MSRA: variants seen among roughly 807,000 people sequenced by gnomAD.
The protein encoded by MSRA is methionine sulfoxide reductase A.
Under a neutral mutation model 31.3 loss-of-function variants are expected in MSRA, and 54 were observed. The observed-to-expected ratio is 1.73, with a 90% CI of 1.39 to 2.17. MSRA has a LOEUF of 2.17. MSRA is among the 30% of genes most tolerant of loss of function. The pLI is 0.00. For missense variants in MSRA, 507 were observed against 300.9 expected (o/e 1.69, Z -5.07); for synonymous variants, 169 against 116.5 (o/e 1.45, Z -2.90).
chr8:10,087,798 T>C (rs1798645946), intron 1 of MSRA, among the ~76,000 whole-genome samples: 1 of 152,236 alleles, frequency 6.6e-6, no homozygotes, highest in South Asian at 2.1e-4. Context: ...TAAAGGATTT[T>C]AAACTTTTTC....
At chr8:10,132,848 G>T (rs2046400) in intron 1 of MSRA, among the ~76,000 whole-genome samples, 1 of 152,192 alleles carries the variant, frequency 6.6e-6, no homozygotes, top group Non-Finnish European at 1.5e-5. Flanking sequence ...GTACACAAAG[G>T]TATGTCTTTT....
intron 1 of MSRA, among the ~76,000 whole-genome samples, chr8:10,145,060 A>G (rs1370159437): frequency 6.6e-6 from 1 of 152,164 alleles, no homozygotes; most frequent in Non-Finnish European, 1.5e-5. Context: ...GTCAAGGATG[A>G]AATTATAGGT....
rs536967242 is a variant in MSRA, at chr8:10,207,686, A to G, written c.143-147A>G. 1.1e-4 allele frequency: 68 copies of G among 639,930 alleles called. No individual in the cohort carries two copies. In the African/African-American group the frequency reaches 1.1e-3, roughly 10 times the overall value. The allele number at this position is 639,930 out of a possible 1,614,324, so 39.6% of individuals were successfully genotyped here. ...CCCTTCTGCAATGGAGATGAAAAAC[A>G]AAATAATTGAAGCTCTCTTCAGAGG... On this transcript the variant is annotated intron_variant, in intron 1 of 5. Transcript: ENST00000317173.
At chr8:10,368,622 A>T (rs1805302271) in intron 5 of MSRA, among the ~76,000 whole-genome samples, 1 of 152,236 alleles carries the variant, frequency 6.6e-6, no homozygotes, top group Non-Finnish European at 1.5e-5. Flanking sequence ...CCCTCTGGCC[A>T]AATGCTGTTT....
chr8:10,404,485 G>T (rs529892825), intron 5 of MSRA, among the ~76,000 whole-genome samples: 15 of 152,246 alleles, frequency 9.9e-5, no homozygotes, highest in African/African-American at 3.6e-4. Context: ...AAAGTGAACA[G>T]TTGGCATTCC....
At chr8:10,293,574 T>G (rs1800365471) in intron 3 of MSRA, among the ~76,000 whole-genome samples, 1 of 152,180 alleles carries the variant, frequency 6.6e-6, no homozygotes, top group South Asian at 2.1e-4. Flanking sequence ...GCACTGTGTT[T>G]TGGATAGCAC....
chr8:10,104,660 A>T (rs1358414471), intron 1 of MSRA, among the ~76,000 whole-genome samples: 1 of 152,152 alleles, frequency 6.6e-6, no homozygotes, highest in Admixed American at 6.5e-5. Context: ...GAGAGAATAG[A>T]TTGTAAATGT....
chr8:10,364,184 T>C (rs1172167761), intron 5 of MSRA, among the ~76,000 whole-genome samples: 1 of 152,200 alleles, frequency 6.6e-6, no homozygotes, highest in Non-Finnish European at 1.5e-5. Context: ...GAACACCTGA[T>C]TGCAATATAG....
chr8:10,219,866 GT>G (rs1034535938), intron 2 of MSRA, among the ~76,000 whole-genome samples: 16 of 146,466 alleles, frequency 1.1e-4, no homozygotes, highest in African/African-American at 1.8e-4. Context: ...CACCTTTTTG[GT>G]TTTTTTTTGT....
chr8:10,287,343 A>G (rs544751439), intron 3 of MSRA, among the ~76,000 whole-genome samples: 7 of 152,358 alleles, frequency 4.6e-5, no homozygotes, highest in African/African-American at 1.7e-4. Flanking sequence ...TTTGAAATGT[A>G]AAACAGACAT....
intron 3 of MSRA, among the ~76,000 whole-genome samples, chr8:10,282,703 A>G (rs543368010): frequency 1.1e-3 from 170 of 152,314 alleles, no homozygotes; most frequent in African/African-American, 4.0e-3. Flanking sequence ...GTATACCTCC[A>G]GACCTTATCA....
chr8:10,313,831 C>G (rs1010504397), intron 4 of MSRA, among the ~76,000 whole-genome samples: 2 of 152,128 alleles, frequency 1.3e-5, no homozygotes, highest in Non-Finnish European at 2.9e-5. Flanking sequence ...GATGTAGGGA[C>G]AAATGAATAG....
At chr8:10,379,045 A>G (rs1032066197) in intron 5 of MSRA, among the ~76,000 whole-genome samples, 1 of 152,082 alleles carries the variant, frequency 6.6e-6, no homozygotes, top group Admixed American at 6.5e-5. Flanking sequence ...TTTTTCACTT[A>G]ACAGTATTAG....
intron 5 of MSRA, among the ~76,000 whole-genome samples, chr8:10,395,952 A>T (rs762346005): frequency 6.6e-6 from 1 of 152,186 alleles, no homozygotes; most frequent in South Asian, 2.1e-4. Context: ...GCACGGCCCT[A>T]CAAGTGCAGT....
At chr8:10,300,154 G>A (rs35545241) in intron 3 of MSRA, among the ~76,000 whole-genome samples, 7 of 150,502 alleles carry the variant, frequency 4.7e-5, no homozygotes, top group South Asian at 2.1e-4. Context: ...GTGTGTGCAC[G>A]CGTGCATGCA....
intron 3 of MSRA, among the ~76,000 whole-genome samples, chr8:10,257,303 C>T (rs1798234617): frequency 6.6e-6 from 1 of 152,158 alleles, no homozygotes; most frequent in Admixed American, 6.5e-5. Context: ...TGTGGAATAC[C>T]CTTACCCCCG....
rs367978405 is a variant in MSRA at position 10,301,625 on chromosome 8, C to A, written c.423C>A (p.His141Gln). Reference protein sequence around the residue: ...EELLKVFWENHDPTQGMRQGN... With the variant: ...EELLKVFWENQDPTQGMRQGN... ...TGCTCAAGGTCTTCTGGGAGAATCA[C>A]GACCCGACCCAAGGTAGAGTGATGA... The change falls in exon 4 of 6, where the codon CAC (histidine) becomes CAA (glutamine). Residue 141 changes from histidine (H) to glutamine (Q), a missense_variant. Transcript: ENST00000317173. The A allele has an allele frequency of 6.8e-6, 11 of 1,613,592 alleles. No homozygotes were observed. Among genetic ancestry groups the A allele is most frequent in the African/African-American group, 5.3e-5 (4 of 74,866 alleles).
At chr8:10,218,188 C>T (rs11249975) in intron 2 of MSRA, among the ~76,000 whole-genome samples, 39,438 of 150,580 alleles carry the variant, frequency 0.26, 6,884 homozygotes, top group Non-Finnish European at 0.4. Flanking sequence ...ACTCTGTTGC[C>T]GAGGCTGGAG....
At chr8:10,371,572 G>C (rs1370485589) in intron 5 of MSRA, among the ~76,000 whole-genome samples, 1 of 152,106 alleles carries the variant, frequency 6.6e-6, no homozygotes, top group Non-Finnish European at 1.5e-5. Flanking sequence ...AGAGACATTG[G>C]TCATCAAGCA....
Sources: gnomAD v4.1 joint callset for allele counts (sites outside exome capture counted in the v4.1 genomes callset) on GRCh38, gnomAD v4.1.1 for gene constraint, MANE v1.5 for transcripts, NCBI Gene and HGNC (gene_info 2026-07-23, HGNC 2026-07-21) for gene names.